The following VPS50 variants were observed in gnomAD, a reference collection of about 807,000 sequenced individuals.
VPS50 encodes VPS50 subunit of EARP/GARPII complex, also known as syndetin.
A neutral mutation model predicts 139.7 loss-of-function variants in VPS50; 70 were observed. The observed-to-expected ratio is 0.50, with a 90% CI of 0.41 to 0.61. The LOEUF is 0.61. Among genes scored for constraint, VPS50 ranks in the 20% least tolerant of loss-of-function variants. The pLI, the probability that VPS50 is intolerant of heterozygous loss-of-function variation, is 0.00. For synonymous variants in VPS50, 365 were observed against 376.7 expected (o/e 0.97, Z 0.36); for missense variants, 921 against 1,133.7 (o/e 0.81, Z 2.69).
chr7:93,263,951 A>G (rs1277523122), intron 9 of VPS50, among the ~76,000 whole-genome samples: 2 of 152,218 alleles, frequency 1.3e-5, no homozygotes, highest in Non-Finnish European at 1.5e-5. Flanking sequence ...ATACATTTGC[A>G]TTGTATTAGA....
chr7:93,343,286 G>A (rs1443857466), intron 23 of VPS50, among the ~76,000 whole-genome samples: 2 of 151,558 alleles, frequency 1.3e-5, no homozygotes, highest in Non-Finnish European at 2.9e-5. Context: ...TTAGAGAAAA[G>A]AGAATAAAAA....
intron 22 of VPS50, among the ~76,000 whole-genome samples, chr7:93,335,391 T>C (rs573921147): frequency 6.6e-6 from 1 of 152,300 alleles, no homozygotes; most frequent in Non-Finnish European, 1.5e-5. Context: ...AATATAGTCA[T>C]ATCACTTACC....
intron 9 of VPS50, among the ~76,000 whole-genome samples, chr7:93,266,690 T>C (rs1400606983): frequency 6.6e-6 from 1 of 152,200 alleles, no homozygotes; most frequent in East Asian, 1.9e-4. Flanking sequence ...TTCTTGACCA[T>C]AATGTTGCAT....
Position 93,296,774 on chromosome 7 carries a change from T to C in VPS50, c.1200T>C (p.Leu400=). The C allele has an allele frequency of 6.2e-7, 1 of 1,605,628 alleles. No homozygotes were observed. Among genetic ancestry groups the C allele is most frequent in the Non-Finnish European group, 8.5e-7 (1 of 1,178,412 alleles). ...DVQLKVKTYL[L]GTDLSIFKYD... is the part of the protein sequence containing the mutation. ...AGCTAAAAGTAAAAACCTACTTGCT[T>C]GGAACTGATTTGTCTATATTCAAAT... The change falls in exon 15 of 28, where the codon CTT becomes CTC. Residue 400 remains leucine, a synonymous_variant. Transcript: ENST00000305866.
intron 2 of VPS50, among the ~76,000 whole-genome samples, chr7:93,246,912 A>G (rs1404479387): frequency 6.6e-6 from 1 of 151,946 alleles, no homozygotes; most frequent in Non-Finnish European, 1.5e-5. Context: ...ATTGTTTTAC[A>G]TAGCTGAATC....
In VPS50 at chr7:93,276,272, A is replaced by T; in HGVS notation, c.909A>T (p.Lys303Asn). 1 of 1,613,678 alleles carries T rather than the reference A, an allele frequency of 6.2e-7. No homozygotes were observed. Among genetic ancestry groups the T allele is most frequent in the Non-Finnish European group, 8.5e-7 (1 of 1,179,718 alleles). Residue 303 changes from lysine (K) to asparagine (N), a missense_variant, in exon 12 of 28, where the codon AAA becomes AAT. By Grantham distance (94) the Lys-to-Asn change is moderately conservative. This residue lies in a region of VPS50 where 744 missense variants were observed against 930.6 expected (regional missense o/e 0.80). Coordinates refer to ENST00000305866, the MANE Select transcript of VPS50 (RefSeq NM_017667.4). ...VELCAGNTDTKFQKLQYKDLC... is the reference protein window; with the variant it reads ...VELCAGNTDTNFQKLQYKDLC... ...TATGTGCAGGAAACACAGACACAAA[A>T]TTCCAAAAGCTGCAATATAAGGATC...
chr7:93,320,980 A>G (rs1797598641), intron 20 of VPS50: 1 of 152,210 alleles, frequency 6.6e-6, no homozygotes, highest in East Asian at 1.9e-4. Context: ...TGTCATCTAC[A>G]ACAGACGTTT....
chr7:93,343,855 G>T (rs1306895405), intron 23 of VPS50, among the ~76,000 whole-genome samples: 1 of 152,124 alleles, frequency 6.6e-6, no homozygotes, highest in African/African-American at 2.4e-5. Flanking sequence ...GGAACAACCG[G>T]TACCAGCCGC....
At chr7:93,323,018 C>T (rs1797663299) in intron 20 of VPS50, among the ~76,000 whole-genome samples, 1 of 152,092 alleles carries the variant, frequency 6.6e-6, no homozygotes. Context: ...GGATATTGAG[C>T]TCTTGAATGA....
intron 22 of VPS50, among the ~76,000 whole-genome samples, chr7:93,339,922 A>G (rs1798167951): frequency 6.6e-6 from 1 of 152,144 alleles, no homozygotes; most frequent in Non-Finnish European, 1.5e-5. Flanking sequence ...CTCTTATGGA[A>G]TTTTTTAAAA....
At chr7:93,328,168 T>G (rs1797835652) in intron 21 of VPS50, among the ~76,000 whole-genome samples, 1 of 152,236 alleles carries the variant, frequency 6.6e-6, no homozygotes, top group Non-Finnish European at 1.5e-5. Flanking sequence ...TTATCTTGCC[T>G]TGTCCCCAGC....
chr7:93,234,546 C>T (rs765136058), intron 1 of VPS50, among the ~76,000 whole-genome samples: 59 of 152,272 alleles, frequency 3.9e-4, no homozygotes, highest in Non-Finnish European at 2.5e-4. Flanking sequence ...TACTGATGCA[C>T]AGTTCCTGAA....
intron 20 of VPS50, among the ~76,000 whole-genome samples, chr7:93,314,474 A>T (rs1307446604): frequency 1.3e-5 from 2 of 152,146 alleles, no homozygotes; most frequent in East Asian, 1.9e-4. Context: ...TGTCATCCTG[A>T]TGGTTTCTTG....
chr7:93,233,946 A>AG (rs1794719818), intron 1 of VPS50, among the ~76,000 whole-genome samples: 1 of 152,246 alleles, frequency 6.6e-6, no homozygotes. Context: ...AGAGACCGTT[A>AG]GTTACATTGG....
chr7:93,324,304 G>T (rs1009016247), intron 21 of VPS50, among the ~76,000 whole-genome samples: 2 of 152,098 alleles, frequency 1.3e-5, no homozygotes, highest in Non-Finnish European at 2.9e-5. Flanking sequence ...AATTGCCCTG[G>T]CCAGAACTTC....
chr7:93,356,013 T>C lies in VPS50; in HGVS notation c.2708T>C (p.Val903Ala). The change falls in exon 27 of 28, where the codon GTA becomes GCA. Residue 903 changes from valine (V) to alanine (A), a missense_variant. This residue lies in a region of VPS50 where 158 missense variants were observed against 156.3 expected (regional missense o/e 1.01). Transcript: ENST00000305866. ...AGACCCATTCCTGATAAAGAATTTG[T>C]AGAAACTTATATTAAAGCTTATTAC... Reference protein sequence around the residue: ...DIRPIPDKEFVETYIKAYYLT... With the variant: ...DIRPIPDKEFAETYIKAYYLT... 6.3e-7 allele frequency: 1 copy of C among 1,583,074 alleles called. No homozygotes were observed. The highest frequency in any genetic ancestry group is 1.7e-5 in the Admixed American group (1 of 59,400).
intron 23 of VPS50, among the ~76,000 whole-genome samples, chr7:93,342,720 A>T (rs1798258713): frequency 3.3e-5 from 5 of 152,226 alleles, no homozygotes; most frequent in Admixed American, 2.6e-4. Flanking sequence ...CAGCAGGGGC[A>T]CACTGACACC....
chr7:93,353,594 G>A, intron 25 of VPS50, 46 bp from the exon 26 acceptor site: 2 of 1,575,790 alleles, frequency 1.3e-6, no homozygotes, highest in Non-Finnish European at 1.7e-6. Flanking sequence ...AAAGCATTGT[G>A]GCATTTTAAT....
At chr7:93,258,494 T>C (rs1795561240) in intron 8 of VPS50, 102 bp downstream of exon 8, 1 of 862,988 alleles carries the variant, frequency 1.2e-6, no homozygotes, top group Non-Finnish European at 1.9e-6. Context: ...GTTTATGATA[T>C]AAAGAATATT....
Sources: gnomAD v4.1 joint callset for allele counts (sites outside exome capture counted in the v4.1 genomes callset) on GRCh38, gnomAD v4.1.1 for gene constraint, gnomAD v4.1.1 regional missense constraint, MANE v1.5 for transcripts, NCBI Gene and HGNC (gene_info 2026-07-23, HGNC 2026-07-21) for gene names.